The following NELFA variants were observed in gnomAD, a reference collection of about 807,000 sequenced individuals.
NELFA encodes the protein negative elongation factor complex member A.
Under a neutral mutation model 51.8 loss-of-function variants are expected in NELFA, and 35 were observed. The ratio of observed to expected loss-of-function variants is 0.68; its 90% CI spans 0.52 to 0.90. The LOEUF is 0.90. Ranked by LOEUF, NELFA falls within the 40% of genes least tolerant of loss-of-function variation. The pLI is 0.00. For synonymous variants in NELFA, 417 were observed against 338.4 expected, an observed-to-expected ratio of 1.23 and a Z score of -2.55; for missense variants, 658 against 746.4, an observed-to-expected ratio of 0.88 and a Z score of 1.38.
chr4:1,984,433 G>A (rs1388370479), intron 8 of NELFA, among the ~76,000 whole-genome samples: 2 of 152,168 alleles, frequency 1.3e-5, no homozygotes. Context: ...CCCAGGACCT[G>A]GCCTGAGGTG....
intron 1 of NELFA, among the ~76,000 whole-genome samples, chr4:2,006,229 T>C (rs1728706131): frequency 6.6e-6 from 1 of 152,170 alleles, no homozygotes; most frequent in Admixed American, 6.5e-5. Flanking sequence ...GGACAGTCAT[T>C]TCAATCAACG....
intron 2 of NELFA, among the ~76,000 whole-genome samples, chr4:1,991,149 G>A (rs1380598264): frequency 6.6e-6 from 1 of 152,162 alleles, no homozygotes; most frequent in Non-Finnish European, 1.5e-5. Flanking sequence ...CAACTAAATC[G>A]TTGATATTTT....
chr4:1,983,351 T>G lies in NELFA; in HGVS notation c.1555A>C (p.Lys519Gln). 6.2e-7 allele frequency: 1 copy of G among 1,614,196 alleles called. No homozygotes were observed. Among genetic ancestry groups the G allele is most frequent in the Non-Finnish European group, 8.5e-7 (1 of 1,180,024 alleles). The change falls in exon 11 of 11, where the codon AAG (lysine) becomes CAG (glutamine). Residue 519 changes from lysine to glutamine, a missense_variant. Lys to Gln is a moderately conservative substitution (Grantham distance 53). Around this residue, in one of 3 missense-constraint regions of NELFA, gnomAD observed 87 missense variants for 130.2 expected, o/e 0.67. Transcript: ENST00000382882. ...ACATTGGTCATGGGCTTGTACTTCTTGAAGCGCGTCCACTGGCCCGTGGCA... is the reference window on the plus strand; with the variant it reads ...ACATTGGTCATGGGCTTGTACTTCTGGAAGCGCGTCCACTGGCCCGTGGCA... ...NYATGQWTRF[K>Q]KYKPMTNVS
At chr4:1,994,682 T>C (rs1018777783) in intron 1 of NELFA, among the ~76,000 whole-genome samples, 2 of 151,732 alleles carry the variant, frequency 1.3e-5, no homozygotes, top group Non-Finnish European at 2.9e-5. Context: ...AGTGAAACCC[T>C]GCCTCTACTA....
chr4:2,007,159 A>G (rs773404397), intron 1 of NELFA: 9 of 430,344 alleles, frequency 2.1e-5, no homozygotes, highest in South Asian at 1.5e-4. Context: ...GTGAGTCACG[A>G]TGGTGCCACT....
chr4:2,006,768 C>CCA (rs1728721642), intron 1 of NELFA, among the ~76,000 whole-genome samples: 1 of 79,756 alleles, frequency 1.3e-5, no homozygotes. Context: ...GACGCTGTCT[C>CCA]AAAAAAAAAA....
intron 2 of NELFA, chr4:1,990,084 C>G (rs1170691793): frequency 1.7e-6 from 1 of 590,600 alleles, no homozygotes; most frequent in Non-Finnish European, 3.0e-6. Flanking sequence ...GGCGGGCATG[C>G]CTTGAGAGGG....
intron 1 of NELFA, 167 bp from the exon 2 acceptor site, chr4:1,991,882 G>A: frequency 4.5e-6 from 3 of 662,836 alleles, no homozygotes; most frequent in Non-Finnish European, 7.4e-6. Context: ...CCTCACCCCA[G>A]GGCCACCTTG....
intron 1 of NELFA, among the ~76,000 whole-genome samples, chr4:2,000,105 T>C (rs905878225): frequency 6.6e-6 from 1 of 152,162 alleles, no homozygotes; most frequent in African/African-American, 2.4e-5. Context: ...GCAGAATCTC[T>C]GGGACACAGC....
intron 3 of NELFA, among the ~76,000 whole-genome samples, chr4:1,988,285 G>C (rs1010367208): frequency 1.3e-5 from 2 of 152,240 alleles, no homozygotes; most frequent in Non-Finnish European, 2.9e-5. Flanking sequence ...GGAGCTGAGG[G>C]ACCTCATGAG....
In NELFA at chr4:2,008,916, T is replaced by C; in HGVS notation, c.44A>G (p.Asn15Ser). The C allele has an allele frequency of 6.3e-7, 1 of 1,579,352 alleles. No individual in the cohort carries two copies. The highest frequency in any genetic ancestry group is 8.6e-7 in the Non-Finnish European group (1 of 1,163,304). ...RESDTGLWLH[N>S]KLGATDELWA... ...CAGCTCGTCCGTGGCCCCCAGCTTG[T>C]TGTGCAGCCACAGGCCCGTGTCGCT... The change falls in exon 1 of 11, where the codon AAC (asparagine) becomes AGC (serine). Residue 15 changes from asparagine to serine, a missense_variant. Coordinates refer to ENST00000382882, the MANE Select transcript of NELFA (RefSeq NM_005663.5).
At position 1,983,521 on chromosome 4, in the gene NELFA, T is replaced by A; in HGVS notation, c.1403-18A>T. On this transcript the variant is annotated intron_variant, in intron 10 of 10. Coordinates refer to ENST00000382882, the MANE Select transcript of NELFA (RefSeq NM_005663.5). Reference sequence around the variant, plus strand: ...CGGGTTCTCTGCAGAGAGCAGGAGCTGCTGGGTGGGTGTCTGGGGGCACCC... The same window carrying A: ...CGGGTTCTCTGCAGAGAGCAGGAGCAGCTGGGTGGGTGTCTGGGGGCACCC... 1 of 1,613,214 alleles carries A rather than the reference T, an allele frequency of 6.2e-7. No individual in the cohort carries two copies. The highest frequency in any genetic ancestry group is 8.5e-7 in the Non-Finnish European group (1 of 1,179,436).
chr4:1,983,859 G>C lies in NELFA; in HGVS notation c.1291C>G (p.Leu431Val). Residue 431 changes from leucine to valine, a missense_variant, in exon 9 of 11, where the codon CTG becomes GTG. Coordinates refer to ENST00000382882, the MANE Select transcript of NELFA (RefSeq NM_005663.5). The stretch of plus-strand genomic sequence containing the variant: ...CAGTGTACACCTACCGTGAGGGACA[G>C]GTTCTTCTTAGGCTGCTGCTGAGCA... ...APAQQQPKKN[L>V]SLTREQMFAA... The C allele has an allele frequency of 6.3e-7, 1 of 1,576,182 alleles. No homozygotes were observed. The highest frequency in any genetic ancestry group is 8.6e-7 in the Non-Finnish European group (1 of 1,160,786).
intron 1 of NELFA, among the ~76,000 whole-genome samples, chr4:2,000,581 C>T (rs1000028762): frequency 6.6e-6 from 1 of 152,156 alleles, no homozygotes; most frequent in Non-Finnish European, 1.5e-5. Flanking sequence ...GGTGCATACA[C>T]CCTCCCAAGA....
At chr4:1,990,592 G>A (rs1456713115) in intron 2 of NELFA, 1 of 445,834 alleles carries the variant, frequency 2.2e-6, no homozygotes, top group Non-Finnish European at 4.6e-6. Flanking sequence ...CCACTTGCAG[G>A]GGGGTGGCCA....
At position 1,983,008 on chromosome 4, in the gene NELFA, C is replaced by T; in HGVS notation, c.*311G>A. 3.8e-6 allele frequency: 1 copy of T among 263,206 alleles called. No individual in the cohort carries two copies. Among genetic ancestry groups the T allele is most frequent in the Non-Finnish European group, 7.1e-6 (1 of 140,658 alleles). 16.3% of individuals were successfully genotyped at this position (263,206 alleles called of 1,614,324 possible). ...AAGATTTTAAAAAGTAAGAGTCTAA[C>T]AGGCAGAGCTGTCACTAAAATTAGG... On this transcript the variant is annotated 3_prime_UTR_variant, in exon 11 of 11. Transcript: ENST00000382882.
Position 1,989,901 on chromosome 4 carries a change from G to A in NELFA, c.383-32C>T, listed in dbSNP as rs751723390. ...GTAAGAACCACATGAAGTTAGGGGC[G>A]CCCAGGCCGCAGACCTCCCGGCTGA... On this transcript the variant is annotated intron_variant, in intron 2 of 10. Transcript: ENST00000382882. This position sits in a 1 kb window ranked among gnomAD's most constrained non-coding sequence, Gnocchi z 4.8. 22 of 1,601,116 alleles carry A rather than the reference G, an allele frequency of 1.4e-5. No individual in the cohort carries two copies. In the Middle Eastern group the frequency reaches 5.1e-4, roughly 37 times the overall value.
chr4:2,001,289 C>G (rs1023222232), intron 1 of NELFA, among the ~76,000 whole-genome samples: 1 of 152,168 alleles, frequency 6.6e-6, no homozygotes, highest in African/African-American at 2.4e-5. Context: ...ATTGGAAGTT[C>G]TGGCCAGGGC....
chr4:1,994,292 C>T (rs1397023731), intron 1 of NELFA, among the ~76,000 whole-genome samples: 1 of 151,854 alleles, frequency 6.6e-6, no homozygotes, highest in East Asian at 1.9e-4. Context: ...TGGCTGGGCA[C>T]GGTGGCTCAC....
Sources: gnomAD v4.1 joint callset for allele counts (sites outside exome capture counted in the v4.1 genomes callset) on GRCh38, gnomAD v4.1.1 for gene constraint, gnomAD v4.1.1 regional missense constraint, Gnocchi (gnomAD v3.1) non-coding constraint, MANE v1.5 for transcripts, NCBI Gene and HGNC (gene_info 2026-07-23, HGNC 2026-07-21) for gene names.